KCNQ5: variants seen among roughly 807,000 people sequenced by gnomAD.
KCNQ5 encodes the protein potassium voltage-gated channel subfamily Q member 5.
Under a neutral mutation model 98.2 loss-of-function variants are expected in KCNQ5, and 30 were observed. That is an observed-to-expected ratio of 0.31 (90% CI 0.23 to 0.41). KCNQ5 has a LOEUF of 0.41. Ranked by LOEUF, KCNQ5 falls within the 10% of genes least tolerant of loss-of-function variation. KCNQ5 has a pLI of 1.00. For synonymous variants in KCNQ5, 458 were observed against 449.4 expected (o/e 1.02, Z -0.24); for missense variants, 835 against 1,182.5 (o/e 0.71, Z 4.31).
intron 1 of KCNQ5, among the ~76,000 whole-genome samples, chr6:72,996,282 C>T (rs573951059): frequency 1.7e-4 from 26 of 152,324 alleles, no homozygotes; most frequent in African/African-American, 5.8e-4. Context: ...AGCCTCTTGG[C>T]ATCCAAGGCA....
intron 6 of KCNQ5, among the ~76,000 whole-genome samples, chr6:73,107,067 C>T (rs1057247609): frequency 2.0e-5 from 3 of 152,270 alleles, no homozygotes; most frequent in South Asian, 2.1e-4. Flanking sequence ...AGATTCCCTA[C>T]AGGAAAATAC....
Position 72,714,795 on chromosome 6 carries a change from T to C in KCNQ5, c.398+92208T>C, listed in dbSNP as rs1769556893. Among the ~76,000 whole-genome samples, 5 of 152,276 alleles carry C rather than the reference T, an allele frequency of 3.3e-5. No homozygotes were observed. In the South Asian group the frequency reaches 8.3e-4, roughly 25 times the overall value. On this transcript the variant is annotated intron_variant, in intron 1 of 13. Coordinates refer to ENST00000370398, the MANE Select transcript of KCNQ5 (RefSeq NM_019842.4). ...CAGTTCAAAAATAGCAAAAACTTGA[T>C]TTCCTCTTAATATCTTGAAGATCAT...
At chr6:72,817,754 C>T (rs936132353) in intron 1 of KCNQ5, among the ~76,000 whole-genome samples, 3 of 151,908 alleles carry the variant, frequency 2.0e-5, no homozygotes, top group Admixed American at 6.6e-5. Flanking sequence ...ATTAGGTGGG[C>T]GTGGTGGCGC....
intron 1 of KCNQ5, among the ~76,000 whole-genome samples, chr6:72,917,925 C>G (rs1417399225): frequency 1.3e-5 from 2 of 152,124 alleles, no homozygotes; most frequent in African/African-American, 4.8e-5. Flanking sequence ...CCAGGTGTTT[C>G]TTTTCTAGGG....
chr6:73,153,813 C>G (rs377687246), intron 10 of KCNQ5, among the ~76,000 whole-genome samples: 2 of 150,624 alleles, frequency 1.3e-5, no homozygotes, highest in Non-Finnish European at 3.0e-5. Context: ...TGTCATAATA[C>G]TAAATAAGTA....
intron 2 of KCNQ5, among the ~76,000 whole-genome samples, chr6:73,018,521 A>G (rs1316798339): frequency 6.6e-6 from 1 of 151,976 alleles, no homozygotes; most frequent in East Asian, 1.9e-4. Context: ...TGAGCTGTTC[A>G]TTGATTCATT....
At chr6:72,835,757 G>A (rs547519428) in intron 1 of KCNQ5, among the ~76,000 whole-genome samples, 23 of 152,242 alleles carry the variant, frequency 1.5e-4, no homozygotes, top group African/African-American at 5.3e-4. Flanking sequence ...GCACATTTCT[G>A]TTTCAAATCC....
At chr6:73,120,080 G>A (rs1397644426) in intron 7 of KCNQ5, among the ~76,000 whole-genome samples, 3 of 40,026 alleles carry the variant, frequency 7.5e-5, no homozygotes, top group Non-Finnish European at 2.1e-4. Flanking sequence ...TCTACTAAAA[G>A]TACAAAAAAA....
At chr6:72,720,183 G>A (rs1043954953) in intron 1 of KCNQ5, among the ~76,000 whole-genome samples, 2 of 152,122 alleles carry the variant, frequency 1.3e-5, no homozygotes, top group African/African-American at 4.8e-5. Flanking sequence ...TGTAGTTTTA[G>A]TATCATCTCC....
chr6:72,987,750 A>G, intron 1 of KCNQ5: 1 of 503,262 alleles, frequency 2.0e-6, no homozygotes. Flanking sequence ...TGGAAGATTA[A>G]ACTCTAGAGT....
Position 73,073,748 on chromosome 6 carries a change from G to A in KCNQ5, c.617-3574G>A, listed in dbSNP as rs1237792781. 2.6e-5 allele frequency among the ~76,000 whole-genome samples: 4 copies of A among 152,126 alleles called. No individual in the cohort carries two copies. In the East Asian group the frequency reaches 7.7e-4, roughly 29 times the overall value. On this transcript the variant is annotated intron_variant, in intron 3 of 13. Coordinates refer to ENST00000370398, the MANE Select transcript of KCNQ5 (RefSeq NM_019842.4). ...AACCTGAAGCCAGTGAGCTTCAAGGGCTGTCCATAGTTTCTACCTTACACC... is the reference window on the plus strand; with the variant it reads ...AACCTGAAGCCAGTGAGCTTCAAGGACTGTCCATAGTTTCTACCTTACACC...
chr6:72,778,903 T>A (rs1773306704), intron 1 of KCNQ5, among the ~76,000 whole-genome samples: 1 of 152,216 alleles, frequency 6.6e-6, no homozygotes, highest in African/African-American at 2.4e-5. Context: ...GGTGCCACTA[T>A]AAATAGCTTT....
intron 1 of KCNQ5, among the ~76,000 whole-genome samples, chr6:72,840,131 T>C (rs1776727404): frequency 6.6e-6 from 1 of 152,198 alleles, no homozygotes; most frequent in South Asian, 2.1e-4. Flanking sequence ...TGTGTATATA[T>C]ACCACATTTT....
At chr6:72,882,367 T>G (rs554972997) in intron 1 of KCNQ5, among the ~76,000 whole-genome samples, 28 of 152,284 alleles carry the variant, frequency 1.8e-4, no homozygotes, top group African/African-American at 6.3e-4. Flanking sequence ...ATTTGCATAA[T>G]TGTTAGTAAT....
In KCNQ5 at chr6:72,622,243, G is replaced by A; in HGVS notation, c.54G>A (p.Val18=). 8.0e-7 allele frequency: 1 copy of A among 1,253,690 alleles called. No homozygotes were observed. The highest frequency in any genetic ancestry group is 1.0e-6 in the Non-Finnish European group (1 of 1,002,608). 77.7% of individuals were successfully genotyped at this position (1,253,690 alleles called of 1,614,324 possible). A position where few individuals can be genotyped will look rare whatever the true frequency, so the allele number is the denominator to read the frequency against. The stretch of plus-strand genomic sequence containing the variant: ...AGGGCGGCGCCGCCGGGCTCTGGGT[G>A]AAGAGCGGCGCAGCGGCGGCGGCGG... ...GEEGGAAGLW[V]KSGAAAAAAG... The change falls in exon 1 of 14, where the codon GTG becomes GTA. Residue 18 remains valine, a synonymous_variant. Transcript: ENST00000370398. The surrounding 1 kb of genome is among the most constrained non-coding windows in gnomAD (Gnocchi z 6.0).
At chr6:72,715,308 C>T (rs900111370) in intron 1 of KCNQ5, among the ~76,000 whole-genome samples, 5 of 152,150 alleles carry the variant, frequency 3.3e-5, no homozygotes, top group South Asian at 2.1e-4. Flanking sequence ...AGAATGGCCA[C>T]GGTTACATAC....
chr6:73,009,495 A>G (rs1174408429), intron 2 of KCNQ5, among the ~76,000 whole-genome samples: 1 of 152,308 alleles, frequency 6.6e-6, no homozygotes, highest in East Asian at 1.9e-4. Context: ...AAAAAAGAAT[A>G]CAGTAGACCC....
chr6:72,958,447 C>T (rs1273752694), intron 1 of KCNQ5, among the ~76,000 whole-genome samples: 1 of 152,214 alleles, frequency 6.6e-6, no homozygotes, highest in Non-Finnish European at 1.5e-5. Context: ...TTCTACACAT[C>T]CCTCCATCAT....
At chr6:72,695,173 A>G (rs1768420666) in intron 1 of KCNQ5, among the ~76,000 whole-genome samples, 1 of 152,180 alleles carries the variant, frequency 6.6e-6, no homozygotes, top group African/African-American at 2.4e-5. Context: ...TGCATTGTAC[A>G]TATACCTCTC....
Sources: allele counts gnomAD v4.1 joint callset (sites outside exome capture counted in the v4.1 genomes callset), GRCh38; gene constraint gnomAD v4.1.1; non-coding constraint Gnocchi (gnomAD v3.1); transcripts MANE v1.5; gene names NCBI Gene and HGNC (gene_info 2026-07-23, HGNC 2026-07-21).